Variants in PDE1C observed in about 807,000 individuals in gnomAD.
The protein encoded by PDE1C is dual specificity calcium/calmodulin-dependent 3',5'-cyclic nucleotide phosphodiesterase 1C.
PDE1C carries 62 observed loss-of-function variants against 93.1 expected under a neutral mutation model. The observed-to-expected ratio is 0.67, with a 90% CI of 0.54 to 0.82. The LOEUF (loss-of-function observed/expected upper bound fraction) is 0.82. Among genes scored for constraint, PDE1C ranks in the 40% least tolerant of loss-of-function variants. The pLI is 0.00. For synonymous variants in PDE1C, 325 were observed against 310.1 expected, an observed-to-expected ratio of 1.05 and a Z score of -0.50; for missense variants, 742 against 884.6, an observed-to-expected ratio of 0.84 and a Z score of 2.04.
At position 31,751,903 on chromosome 7, in the gene PDE1C, T is replaced by G. The variant is rs750859037; in HGVS notation, c.*1481A>C. On this transcript the variant is annotated 3_prime_UTR_variant, in exon 18 of 18. Coordinates refer to ENST00000396191, the MANE Select transcript of PDE1C (RefSeq NM_001191057.4). ...AATCAAGCCTGGAAGGTCGAGGCCA[T>G]CCGGGAACAAACAGCTCCTTCTTTG... 3 of 152,120 alleles carry G rather than the reference T, an allele frequency of 2.0e-5. No homozygotes were observed. Among genetic ancestry groups the G allele is most frequent in the Non-Finnish European group, 4.4e-5 (3 of 68,044 alleles). The allele number at this position is 152,120 out of a possible 1,614,324, so 9.4% of individuals were successfully genotyped here.
chr7:31,835,551 T>C (rs985119566), intron 11 of PDE1C, among the ~76,000 whole-genome samples: 27 of 151,946 alleles, frequency 1.8e-4, no homozygotes, highest in Middle Eastern at 3.4e-3. Flanking sequence ...TGTGTGTGTG[T>C]GTGTGCGTGC....
chr7:31,794,023 GATA>G (rs1784904023), intron 16 of PDE1C, among the ~76,000 whole-genome samples: 1 of 127,574 alleles, frequency 7.8e-6, no homozygotes, highest in African/African-American at 3.3e-5. Context: ...TAGATAGATA[GATA>G]GATAGATAGA....
At chr7:31,727,113 A>G in the PDE1C span, among the ~76,000 whole-genome samples, 1 of 152,178 alleles carries the variant, frequency 6.6e-6, no homozygotes, top group Non-Finnish European at 1.5e-5. Context: ...CATCCAATTC[A>G]GAACAAAGCC....
chr7:32,075,417 G>A (rs535869461), upstream of PDE1C, among the ~76,000 whole-genome samples: 1 of 152,258 alleles, frequency 6.6e-6, no homozygotes, highest in Non-Finnish European at 1.5e-5. Context: ...CACCAGATGT[G>A]AGGCGGCCCC....
the PDE1C span, among the ~76,000 whole-genome samples, chr7:31,639,510 A>G: frequency 6.8e-6 from 1 of 147,994 alleles, no homozygotes; most frequent in Non-Finnish European, 1.5e-5. Flanking sequence ...CATACAGGAT[A>G]TAGTTTTTCT....
intron 2 of PDE1C, among the ~76,000 whole-genome samples, chr7:31,932,985 T>A (rs1804528857): frequency 6.6e-6 from 1 of 152,044 alleles, no homozygotes; most frequent in South Asian, 2.1e-4. Context: ...AAACACCACA[T>A]GTTCCCACTC....
the PDE1C span, among the ~76,000 whole-genome samples, chr7:31,701,108 TATAG>T: frequency 1.1e-4 from 16 of 152,310 alleles, no homozygotes; most frequent in African/African-American, 3.6e-4. Flanking sequence ...CTAGAGCTGC[TATAG>T]ATAGTGATCC....
chr7:31,963,049 T>C (rs938775311), intron 2 of PDE1C, among the ~76,000 whole-genome samples: 1 of 152,212 alleles, frequency 6.6e-6, no homozygotes, highest in Non-Finnish European at 1.5e-5. Flanking sequence ...GCAATTTTTG[T>C]TAACTTCTTA....
At chr7:31,643,115 G>A in the PDE1C span, 7 of 1,613,828 alleles carry the variant, frequency 4.3e-6, no homozygotes, top group Non-Finnish European at 5.9e-6. Context: ...AGTTTTGTGA[G>A]GCCTGAGGGA....
intron 2 of PDE1C, among the ~76,000 whole-genome samples, chr7:32,178,504 C>G (rs1803157472): frequency 6.6e-6 from 1 of 152,202 alleles, no homozygotes; most frequent in South Asian, 2.1e-4. Flanking sequence ...AATACACAAA[C>G]AGATAGATTC....
intron 1 of PDE1C, among the ~76,000 whole-genome samples, chr7:32,236,462 G>A (rs915085113): frequency 6.6e-6 from 1 of 151,972 alleles, no homozygotes; most frequent in African/African-American, 2.4e-5. Context: ...TCAATAGGAA[G>A]AAAACATTCG....
intron 1 of PDE1C, among the ~76,000 whole-genome samples, chr7:32,067,481 A>G (rs1795540803): frequency 6.6e-6 from 1 of 152,226 alleles, no homozygotes; most frequent in African/African-American, 2.4e-5. Flanking sequence ...GTTGGAATGT[A>G]TAGGGGACAC....
chr7:32,208,769 A>C (rs767460454), intron 2 of PDE1C, among the ~76,000 whole-genome samples: 4 of 152,028 alleles, frequency 2.6e-5, no homozygotes, highest in Non-Finnish European at 4.4e-5. Flanking sequence ...AACTTGCGGG[A>C]TAATTTGCTG....
chr7:31,794,077 C>A (rs71532995), intron 16 of PDE1C, among the ~76,000 whole-genome samples: 1 of 135,104 alleles, frequency 7.4e-6, no homozygotes, highest in African/African-American at 2.9e-5. Flanking sequence ...GACAGACAGA[C>A]AGACAGACAG....
chr7:32,344,251 C>A (rs971297379), intron 1 of PDE1C, among the ~76,000 whole-genome samples: 1 of 151,806 alleles, frequency 6.6e-6, no homozygotes, highest in Non-Finnish European at 1.5e-5. Context: ...TTTTTTCATT[C>A]TTTTGTAGAG....
intron 1 of PDE1C, among the ~76,000 whole-genome samples, chr7:32,229,751 G>A (rs1359268007): frequency 6.6e-6 from 1 of 152,224 alleles, no homozygotes. Flanking sequence ...GCTGGAGGTG[G>A]CACAGCTGGG....
At chr7:32,284,195 T>C (rs959109362) in intron 1 of PDE1C, among the ~76,000 whole-genome samples, 2 of 152,210 alleles carry the variant, frequency 1.3e-5, no homozygotes, top group African/African-American at 2.4e-5. Context: ...TTGCAAAATA[T>C]GCATAATGAA....
chr7:32,356,010 T>C (rs73312909), intron 1 of PDE1C, among the ~76,000 whole-genome samples: 13,511 of 152,278 alleles, frequency 0.089, 703 homozygotes, highest in East Asian at 0.13. Context: ...AGAGAAAATC[T>C]ACTGATAATA....
intron 3 of PDE1C, among the ~76,000 whole-genome samples, chr7:32,098,915 T>C (rs937444070): frequency 3.3e-5 from 5 of 152,210 alleles, no homozygotes; most frequent in African/African-American, 1.2e-4. Context: ...TTTAGGATGA[T>C]TTTTAAAGTT....
Sources: allele counts gnomAD v4.1 joint callset (sites outside exome capture counted in the v4.1 genomes callset), GRCh38; gene constraint gnomAD v4.1.1; transcripts MANE v1.5; gene names NCBI Gene and HGNC (gene_info 2026-07-23, HGNC 2026-07-21).